Variants in PAK1IP1 observed in about 807,000 individuals in gnomAD.
PAK1IP1 encodes p21-activated protein kinase-interacting protein 1.
PAK1IP1 carries 24 observed loss-of-function variants against 42.0 expected under a neutral mutation model. That is an observed-to-expected ratio of 0.57 (90% CI 0.41 to 0.80). The LOEUF (loss-of-function observed/expected upper bound fraction) is 0.80, where lower values mean the gene tolerates loss of function less well. Among genes scored for constraint, PAK1IP1 ranks in the 30% least tolerant of loss-of-function variants. PAK1IP1 has a pLI of 0.00. For synonymous variants in PAK1IP1, 154 were observed against 156.7 expected (o/e 0.98, Z 0.13); for missense variants, 411 against 467.9 (o/e 0.88, Z 1.12).
chr6:10,694,601 C>G, upstream of PAK1IP1: 10 of 175,882 alleles, frequency 5.7e-5, no homozygotes, highest in South Asian at 4.4e-4. Flanking sequence ...AGCCCCTAAG[C>G]AACCGGCCGG....
chr6:10,708,809 A>G (rs1770287326), intron 8 of PAK1IP1, 144 bp from the exon 9 acceptor site: 3 of 658,760 alleles, frequency 4.6e-6, no homozygotes, highest in Non-Finnish European at 7.6e-6. Flanking sequence ...AGTCAAACTA[A>G]TCATGAGTGA....
upstream of PAK1IP1, chr6:10,694,586 G>GA: frequency 5.4e-6 from 1 of 185,692 alleles, no homozygotes; most frequent in Non-Finnish European, 1.2e-5. Flanking sequence ...CGCTGCCGGC[G>GA]CTACAGCCCC....
chr6:10,702,575 A>G lies in PAK1IP1; in HGVS notation c.379A>G (p.Thr127Ala). ...TTGGTTTCATTATAGAGGACAGGTGACCTTCCTTTCTATTCACCCATCTGG... is the reference window on the plus strand; with the variant it reads ...TTGGTTTCATTATAGAGGACAGGTGGCCTTCCTTTCTATTCACCCATCTGG... The part of the protein sequence containing the change: ...KSIKAHKGQV[T>A]FLSIHPSGKL... Residue 127 changes from threonine to alanine, a missense_variant, in exon 4 of 10, where the codon ACC becomes GCC. Physicochemically the swap from Thr to Ala is moderately conservative, Grantham distance 58. Coordinates refer to ENST00000379568, the MANE Select transcript of PAK1IP1 (RefSeq NM_017906.3). 6.2e-7 allele frequency: 1 copy of G among 1,613,950 alleles called. No individual in the cohort carries two copies. The highest frequency in any genetic ancestry group is 8.5e-7 in the Non-Finnish European group (1 of 1,179,966).
intron 5 of PAK1IP1, 123 bp from the exon 6 acceptor site, chr6:10,704,384 A>C: frequency 6.2e-6 from 4 of 643,712 alleles, no homozygotes; most frequent in Admixed American, 3.3e-5. Flanking sequence ...AAAATGTGTT[A>C]CGAAGATGAA....
Position 10,704,817 on chromosome 6 carries a change from T to C in PAK1IP1, c.713T>C (p.Leu238Pro). ...TTTGACTGTGATTCACTAGTGTGCC[T>C]CTGCGAATTTAAAGCTCATGAAAAC... The part of the protein sequence containing the change: ...RFFDCDSLVC[L>P]CEFKAHENRV... The change falls in exon 7 of 10, where the codon CTC becomes CCC. Residue 238 changes from leucine to proline, a missense_variant. By Grantham distance (98) the Leu-to-Pro change is moderately conservative. Transcript: ENST00000379568. 1 of 1,612,460 alleles carries C rather than the reference T, an allele frequency of 6.2e-7. No homozygotes were observed. The highest frequency in any genetic ancestry group is 8.5e-7 in the Non-Finnish European group (1 of 1,178,448).
chr6:10,700,489 AAAT>A (rs1227391549), intron 2 of PAK1IP1, among the ~76,000 whole-genome samples: 1 of 152,228 alleles, frequency 6.6e-6, no homozygotes, highest in Non-Finnish European at 1.5e-5. Flanking sequence ...AAGTTTCAGC[AAAT>A]GAATTTTGGG....
chr6:10,708,987 C>G lies in PAK1IP1; in HGVS notation c.875C>G (p.Thr292Ser). 6.2e-7 allele frequency: 1 copy of G among 1,611,912 alleles called. No homozygotes were observed. Among genetic ancestry groups the G allele is most frequent in the Non-Finnish European group, 8.5e-7 (1 of 1,178,094 alleles). ...CCATCTTTACTCTGTGAAATAAACACTAATGCCAGGCTGACGTGTCTTGGA... is the reference window on the plus strand; with the variant it reads ...CCATCTTTACTCTGTGAAATAAACAGTAATGCCAGGCTGACGTGTCTTGGA... ...VPPSLLCEIN[T>S]NARLTCLGVW... Residue 292 changes from threonine to serine, a missense_variant, in exon 9 of 10, where the codon ACT becomes AGT. Physicochemically the swap from Thr to Ser is moderately conservative, Grantham distance 58 (BLOSUM62 1). Transcript: ENST00000379568.
In PAK1IP1 at chr6:10,703,468, T is replaced by A; in HGVS notation, c.496+11T>A. On this transcript the variant is annotated intron_variant, in intron 5 of 9. Transcript: ENST00000379568. ...AAAATATAAAACAAAGTGAGTATTT[T>A]TGTTTGAAATGCAGGTTGAGCATTC... 6.3e-7 allele frequency: 1 copy of A among 1,581,616 alleles called. No individual in the cohort carries two copies. The highest frequency in any genetic ancestry group is 8.7e-7 in the Non-Finnish European group (1 of 1,153,070).
At chr6:10,694,727 C>T (rs907305114), upstream of PAK1IP1, 5 of 386,246 alleles carry the variant, frequency 1.3e-5, no homozygotes, top group South Asian at 1.8e-4. Flanking sequence ...CCTGCTTGCC[C>T]CCGATTTTTT....
At chr6:10,692,325 CTCTAA>C (rs1467609771), upstream of PAK1IP1, among the ~76,000 whole-genome samples, 2 of 152,194 alleles carry the variant, frequency 1.3e-5, no homozygotes, top group Non-Finnish European at 2.9e-5. Context: ...CTTCACACTC[CTCTAA>C]TCTTAGTGGT....
intron 2 of PAK1IP1, among the ~76,000 whole-genome samples, chr6:10,700,047 GA>G (rs796864223): frequency 2.0e-4 from 30 of 148,252 alleles, no homozygotes; most frequent in African/African-American, 6.4e-4. Context: ...ACAAACAAAC[GA>G]AAAAAACAAC....
intron 2 of PAK1IP1, 114 bp from the exon 3 acceptor site, chr6:10,702,250 AAAAAG>A: frequency 5.3e-5 from 44 of 826,792 alleles, no homozygotes; most frequent in Non-Finnish European, 6.7e-5. Flanking sequence ...CAAAAAAAAA[AAAAAG>A]AAAAAGAAAA....
At chr6:10,695,585 G>C (rs1334363464) in intron 1 of PAK1IP1, among the ~76,000 whole-genome samples, 2 of 152,146 alleles carry the variant, frequency 1.3e-5, no homozygotes, top group African/African-American at 4.8e-5. Context: ...CCTACATAAG[G>C]GGTGGAGGAC....
Position 10,709,596 on chromosome 6 carries a change from T to A in PAK1IP1, c.*144T>A. The A allele has an allele frequency of 2.8e-6, 1 of 359,520 alleles. No homozygotes were observed. Among genetic ancestry groups the A allele is most frequent in the Non-Finnish European group, 4.6e-6 (1 of 218,652 alleles). The allele number at this position is 359,520 out of a possible 1,614,324, so 22.3% of individuals were successfully genotyped here. ...ATATTAAAAAACCACTTTTAGATGG[T>A]TTTTTTTAAAAAAAAAAAAAAAACT... is the stretch of plus-strand genomic sequence containing the variant. On this transcript the variant is annotated 3_prime_UTR_variant, in exon 10 of 10. Coordinates refer to ENST00000379568, the MANE Select transcript of PAK1IP1 (RefSeq NM_017906.3).
chr6:10,690,945 A>T (rs1484520708), upstream of PAK1IP1, among the ~76,000 whole-genome samples: 1 of 152,228 alleles, frequency 6.6e-6, no homozygotes, highest in Non-Finnish European at 1.5e-5. Context: ...GACAATGAAA[A>T]TCCGCAATCT....
chr6:10,694,901 GTGTT>G, upstream of PAK1IP1: 2 of 812,482 alleles, frequency 2.5e-6, no homozygotes, highest in African/African-American at 3.7e-5. Flanking sequence ...AAGGAGTCAG[GTGTT>G]TTTTTTTTTT....
At chr6:10,700,076 C>T (rs1007207435) in intron 2 of PAK1IP1, among the ~76,000 whole-genome samples, 5 of 146,172 alleles carry the variant, frequency 3.4e-5, no homozygotes, top group African/African-American at 1.3e-4. Context: ...TTGGCGGGGG[C>T]GGGGGGGCTT....
Position 10,709,419 on chromosome 6 carries a change from G to A in PAK1IP1, c.1146G>A (p.Lys382=). 6.2e-7 allele frequency: 1 copy of A among 1,611,114 alleles called. No individual in the cohort carries two copies. Among genetic ancestry groups the A allele is most frequent in the Non-Finnish European group, 8.5e-7 (1 of 1,178,896 alleles). The part of the protein sequence containing the change: ...KRKMVEMLEK[K]RKKKKIKTMQ ...AAATGGTAGAAATGTTGGAAAAGAA[G>A]AGGAAAAAGAAGAAAATAAAAACAA... Residue 382 remains lysine (K), a synonymous_variant, in exon 10 of 10, where the codon AAG becomes AAA. Coordinates refer to ENST00000379568, the MANE Select transcript of PAK1IP1 (RefSeq NM_017906.3).
upstream of PAK1IP1, among the ~76,000 whole-genome samples, chr6:10,692,087 G>A (rs1389256189): frequency 1.3e-5 from 2 of 152,112 alleles, no homozygotes; most frequent in African/African-American, 4.8e-5. Context: ...TGTCCCTGGG[G>A]TAAGGAGACA....
Sources: gnomAD v4.1 joint callset for allele counts (sites outside exome capture counted in the v4.1 genomes callset) on GRCh38, gnomAD v4.1.1 for gene constraint, MANE v1.5 for transcripts, NCBI Gene and HGNC (gene_info 2026-07-23, HGNC 2026-07-21) for gene names.